Variants in RANBP2 observed in about 807,000 individuals in gnomAD.
The protein encoded by RANBP2 is E3 SUMO-protein ligase RanBP2.
A neutral mutation model predicts 303.6 loss-of-function variants in RANBP2; 57 were observed. The observed-to-expected ratio is 0.19, with a 90% CI of 0.15 to 0.23. The LOEUF is 0.23. Ranked by LOEUF, RANBP2 falls within the 10% of genes least tolerant of loss-of-function variation. RANBP2 has a pLI of 1.00. For missense variants in RANBP2, 3,138 were observed against 3,780.8 expected (o/e 0.83, Z 4.46); for synonymous variants, 1,167 against 1,301.5 (o/e 0.90, Z 2.23).
chr2:109,544,122 T>C, the RANBP2 span: 5 of 1,520,320 alleles, frequency 3.3e-6, no homozygotes, highest in East Asian at 2.4e-5. Flanking sequence ...ACTTGTAGTA[T>C]CATTCACTCT....
chr2:108,925,085 T>G, the RANBP2 span, among the ~76,000 whole-genome samples: 1 of 152,212 alleles, frequency 6.6e-6, no homozygotes, highest in African/African-American at 2.4e-5. Flanking sequence ...CTAGGGGGAT[T>G]GGTCCCGCTC....
At chr2:108,958,414 A>G in the RANBP2 span, among the ~76,000 whole-genome samples, 1 of 151,358 alleles carries the variant, frequency 6.6e-6, no homozygotes, top group Non-Finnish European at 1.5e-5. Flanking sequence ...AGCAGGAAAA[A>G]AAAAACAAAA....
rs369675581 is a variant in RANBP2 at position 108,772,527 on chromosome 2, A to G, written c.8059A>G (p.Lys2687Glu). 10 of 1,613,818 alleles carry G rather than the reference A, an allele frequency of 6.2e-6. No individual in the cohort carries two copies. Among genetic ancestry groups the G allele is most frequent in the Non-Finnish European group, 7.6e-6 (9 of 1,179,828 alleles). Residue 2687 changes from lysine to glutamate, a missense_variant, in exon 22 of 29, where the codon AAA (lysine) becomes GAA (glutamate). Transcript: ENST00000283195. ...AACAGCTGTCAAGAAACTTAATGGA[A>G]AACTATATTTGGATGGCTCAGAAAA... ...FETAVKKLNG[K>E]LYLDGSEKCR...
At chr2:109,667,038 G>C in the RANBP2 span, 1 of 532,010 alleles carries the variant, frequency 1.9e-6, no homozygotes, top group Non-Finnish European at 3.3e-6. Flanking sequence ...CTGATCTTAT[G>C]GAAAAGTCAA....
At chr2:109,710,338 C>T in the RANBP2 span, among the ~76,000 whole-genome samples, 1 of 150,540 alleles carries the variant, frequency 6.6e-6, no homozygotes, top group Non-Finnish European at 1.5e-5. Flanking sequence ...GCCGAGATAA[C>T]GCCATTGCAC....
chr2:109,708,957 A>G, the RANBP2 span, among the ~76,000 whole-genome samples: 4 of 151,994 alleles, frequency 2.6e-5, no homozygotes, highest in Non-Finnish European at 5.9e-5. Context: ...AGCCTGGGCA[A>G]CAGAGCAAGG....
the RANBP2 span, among the ~76,000 whole-genome samples, chr2:109,481,775 C>T: frequency 3.9e-5 from 6 of 152,180 alleles, no homozygotes; most frequent in Non-Finnish European, 7.4e-5. Context: ...TCGGCCTCCC[C>T]TCTGCACCGA....
the RANBP2 span, among the ~76,000 whole-genome samples, chr2:109,326,600 G>A: frequency 1.3e-5 from 2 of 152,214 alleles, no homozygotes; most frequent in Non-Finnish European, 2.9e-5. Context: ...TACCAATGCT[G>A]TTGAGTCACT....
At chr2:108,842,506 T>C in the RANBP2 span, among the ~76,000 whole-genome samples, 2 of 152,124 alleles carry the variant, frequency 1.3e-5, no homozygotes, top group Non-Finnish European at 2.9e-5. Flanking sequence ...ATACAGGTTT[T>C]TCACAGGCTG....
At chr2:108,929,085 C>T in the RANBP2 span, 1 of 1,256,418 alleles carries the variant, frequency 8.0e-7, no homozygotes, top group Non-Finnish European at 1.1e-6. Flanking sequence ...AGGTGTGCGG[C>T]TGCACCGAGG....
chr2:108,743,351 C>T (rs1696269584), intron 7 of RANBP2, among the ~76,000 whole-genome samples: 1 of 152,146 alleles, frequency 6.6e-6, no homozygotes, highest in Non-Finnish European at 1.5e-5. Flanking sequence ...CTCACTGCAT[C>T]CTCGAACTCC....
the RANBP2 span, among the ~76,000 whole-genome samples, chr2:109,497,162 T>G: frequency 6.6e-6 from 1 of 152,140 alleles, no homozygotes; most frequent in South Asian, 2.1e-4. Flanking sequence ...TCATTCGTTA[T>G]AGCCATAAAC....
chr2:109,512,195 CCCT>C, the RANBP2 span, among the ~76,000 whole-genome samples: 3 of 152,136 alleles, frequency 2.0e-5, no homozygotes, highest in Admixed American at 1.3e-4. Context: ...GGGACCCTGG[CCCT>C]CCTCCTGCTG....
the RANBP2 span, chr2:108,906,447 G>T: frequency 5.4e-6 from 8 of 1,489,980 alleles, no homozygotes; most frequent in South Asian, 6.8e-5. Flanking sequence ...TGTCAGCAGG[G>T]GCAGGCAGCA....
chr2:109,018,662 G>C, the RANBP2 span, among the ~76,000 whole-genome samples: 1 of 152,162 alleles, frequency 6.6e-6, no homozygotes, highest in South Asian at 2.1e-4. Context: ...CCCTTAGCAC[G>C]TCCTTTCCCT....
intron 17 of RANBP2, among the ~76,000 whole-genome samples, chr2:108,756,142 G>T (rs1034209790): frequency 7.2e-5 from 11 of 152,264 alleles, no homozygotes; most frequent in African/African-American, 2.4e-4. Flanking sequence ...CACAGAGAAG[G>T]TTCCTGAGTG....
the RANBP2 span, among the ~76,000 whole-genome samples, chr2:109,200,627 T>TCCCAGCAGCCTGC: frequency 6.6e-6 from 1 of 152,150 alleles, no homozygotes; most frequent in Non-Finnish European, 1.5e-5. Context: ...AGTGAGCTTG[T>TCCCAGCAGCCTGC]CCCAGCAGCC....
At chr2:109,184,927 T>C in the RANBP2 span, among the ~76,000 whole-genome samples, 4 of 152,232 alleles carry the variant, frequency 2.6e-5, no homozygotes, top group Non-Finnish European at 5.9e-5. Flanking sequence ...TAAGAAAATA[T>C]ATACATTTTC....
the RANBP2 span, among the ~76,000 whole-genome samples, chr2:109,507,266 T>C: frequency 6.6e-5 from 10 of 152,126 alleles, no homozygotes; most frequent in Non-Finnish European, 1.5e-4. Context: ...GCCCCACCCC[T>C]GGCCGGGCCT....
Sources: allele counts gnomAD v4.1 joint callset (sites outside exome capture counted in the v4.1 genomes callset), GRCh38; gene constraint gnomAD v4.1.1; transcripts MANE v1.5; gene names NCBI Gene and HGNC (gene_info 2026-07-23, HGNC 2026-07-21).